The following SENP7 variants were observed in gnomAD, a reference collection of about 807,000 sequenced individuals.
SENP7 encodes sentrin-specific protease 7.
A neutral mutation model predicts 141.2 loss-of-function variants in SENP7; 64 were observed. That is an observed-to-expected ratio of 0.45 (90% CI 0.37 to 0.56). The LOEUF is 0.56. SENP7 is among the 20% of genes least tolerant of loss of function. The pLI is 0.00. For synonymous variants in SENP7, 382 were observed against 426.4 expected (o/e 0.90, Z 1.28); for missense variants, 1,025 against 1,212.2 (o/e 0.85, Z 2.29).
At chr3:101,385,449 A>G (rs79867488) in intron 6 of SENP7, among the ~76,000 whole-genome samples, 1 of 152,222 alleles carries the variant, frequency 6.6e-6, no homozygotes, top group South Asian at 2.1e-4. Flanking sequence ...TCTAACGTCA[A>G]CTATGCATTT....
intron 5 of SENP7, chr3:101,414,584 C>G: frequency 6.2e-7 from 1 of 1,605,266 alleles, no homozygotes; most frequent in Non-Finnish European, 8.5e-7. Flanking sequence ...CACCTCATCC[C>G]AACTATGACC....
intron 4 of SENP7, among the ~76,000 whole-genome samples, chr3:101,454,990 A>T (rs1206685373): frequency 6.6e-6 from 1 of 152,244 alleles, no homozygotes; most frequent in Non-Finnish European, 1.5e-5. Context: ...GAATTTTATG[A>T]TATGTAAATT....
intron 4 of SENP7, among the ~76,000 whole-genome samples, chr3:101,438,481 T>C (rs1458251020): frequency 6.6e-6 from 1 of 152,154 alleles, no homozygotes; most frequent in Non-Finnish European, 1.5e-5. Context: ...GAAAGTATTA[T>C]GGAGATTGAT....
intron 3 of SENP7, among the ~76,000 whole-genome samples, chr3:101,487,085 A>T (rs540436875): frequency 1.3e-5 from 2 of 152,192 alleles, no homozygotes; most frequent in African/African-American, 4.8e-5. Context: ...CTAAACATAT[A>T]CACACCTAAC....
intron 1 of SENP7, among the ~76,000 whole-genome samples, chr3:101,504,053 GA>G (rs1393174409): frequency 1.3e-5 from 2 of 151,894 alleles, no homozygotes; most frequent in African/African-American, 4.8e-5. Flanking sequence ...AGACTACCCA[GA>G]AATCTATATT....
intron 4 of SENP7, among the ~76,000 whole-genome samples, chr3:101,440,629 C>G (rs1397894313): frequency 1.4e-5 from 2 of 147,498 alleles, no homozygotes; most frequent in Non-Finnish European, 3.0e-5. Context: ...AAAACTCTTC[C>G]AGAAAACAAT....
intron 17 of SENP7, among the ~76,000 whole-genome samples, chr3:101,333,973 A>T (rs1485182587): frequency 1.3e-5 from 2 of 152,170 alleles, no homozygotes; most frequent in Non-Finnish European, 2.9e-5. Flanking sequence ...GGCATTAGTT[A>T]GATTCTCATA....
chr3:101,446,125 T>G (rs904515331), intron 4 of SENP7, among the ~76,000 whole-genome samples: 12 of 152,142 alleles, frequency 7.9e-5, no homozygotes, highest in African/African-American at 2.9e-4. Context: ...TTTATAAAAG[T>G]GTAGTGCCTC....
chr3:101,364,746 C>T (rs1425635175), intron 10 of SENP7, 88 bp downstream of exon 10: 1 of 971,106 alleles, frequency 1.0e-6, no homozygotes, highest in Non-Finnish European at 1.5e-6. Flanking sequence ...ATTTTCATTA[C>T]AATATTCAGC....
chr3:101,475,028 T>C (rs2064159290), intron 3 of SENP7, among the ~76,000 whole-genome samples: 1 of 152,170 alleles, frequency 6.6e-6, no homozygotes, highest in African/African-American at 2.4e-5. Flanking sequence ...ATGTGATGGA[T>C]ACATATATAT....
chr3:101,346,796 T>C (rs916999038), intron 13 of SENP7, among the ~76,000 whole-genome samples: 3 of 151,922 alleles, frequency 2.0e-5, no homozygotes, highest in Non-Finnish European at 4.4e-5. Context: ...AGACTATAAA[T>C]TGGGTTCAGT....
At chr3:101,480,544 A>G (rs1003476696) in intron 3 of SENP7, among the ~76,000 whole-genome samples, 2 of 152,156 alleles carry the variant, frequency 1.3e-5, no homozygotes, top group East Asian at 3.8e-4. Flanking sequence ...CAACTTAAAT[A>G]TAATACCTGA....
chr3:101,467,049 C>A (rs1319991094), intron 3 of SENP7, among the ~76,000 whole-genome samples: 1 of 152,216 alleles, frequency 6.6e-6, no homozygotes. Context: ...CCTGGCTCGG[C>A]AGGTCCCACG....
chr3:101,418,630 A>G (rs555436491), intron 4 of SENP7, among the ~76,000 whole-genome samples: 1 of 151,992 alleles, frequency 6.6e-6, no homozygotes, highest in African/African-American at 2.4e-5. Context: ...AAACACAAGA[A>G]TATTAAGAAA....
At chr3:101,352,650 A>C (rs543679816) in intron 11 of SENP7, among the ~76,000 whole-genome samples, 1 of 152,100 alleles carries the variant, frequency 6.6e-6, no homozygotes, top group African/African-American at 2.4e-5. Flanking sequence ...ATGAATTTGT[A>C]CCTATTTATT....
chr3:101,476,141 T>G (rs1423005600), intron 3 of SENP7, among the ~76,000 whole-genome samples: 1 of 152,160 alleles, frequency 6.6e-6, no homozygotes, highest in Non-Finnish European at 1.5e-5. Flanking sequence ...GAGATACATG[T>G]GTAGAACATG....
At chr3:101,491,260 C>G (rs1183812535) in intron 3 of SENP7, among the ~76,000 whole-genome samples, 1 of 149,648 alleles carries the variant, frequency 6.7e-6, no homozygotes, top group Non-Finnish European at 1.5e-5. Flanking sequence ...GTAGCTGGAA[C>G]TACAGGTGCA....
chr3:101,402,814 AC>A (rs1307847948), intron 5 of SENP7, among the ~76,000 whole-genome samples: 1 of 152,196 alleles, frequency 6.6e-6, no homozygotes, highest in African/African-American at 2.4e-5. Context: ...TTGACAATGC[AC>A]CTAGTCACCC....
chr3:101,344,019 A>C (rs190916645), intron 13 of SENP7, 65 bp from the exon 14 acceptor site: 1 of 1,052,384 alleles, frequency 9.5e-7, no homozygotes, highest in East Asian at 2.7e-5. Flanking sequence ...AATACAAGTA[A>C]TTTAATTATT....
Sources: allele counts gnomAD v4.1 joint callset (sites outside exome capture counted in the v4.1 genomes callset), GRCh38; gene constraint gnomAD v4.1.1; transcripts MANE v1.5; gene names NCBI Gene and HGNC (gene_info 2026-07-23, HGNC 2026-07-21).